Variants in IL3RA observed in about 807,000 individuals in gnomAD.
IL3RA encodes the protein interleukin 3 receptor subunit alpha.
In IL3RA, 73 loss-of-function variants were observed where a neutral mutation model predicts 52.3. The ratio of observed to expected loss-of-function variants is 1.40; its 90% CI spans 1.16 to 1.70. The LOEUF is 1.70. IL3RA is among the 40% of genes most tolerant of loss of function. The probability of loss-of-function intolerance (pLI) is 0.00; values close to 1 mark genes in which losing one functional copy is unlikely to be tolerated. For missense variants in IL3RA, 664 were observed against 504.4 expected, an observed-to-expected ratio of 1.32 and a Z score of -3.03; for synonymous variants, 260 against 194.0, an observed-to-expected ratio of 1.34 and a Z score of -2.83.
chrX:1,347,009 C>A lies in IL3RA; in HGVS notation c.184-1422C>A, dbSNP rs1222342816. On this transcript the variant is annotated intron_variant, in intron 3 of 11. Transcript: ENST00000331035. ...CCAGAGCGATTTTACCATACCATGG[C>A]AAACTGACTCTCAACTTTAGAAACA... 3.3e-5 allele frequency among the ~76,000 whole-genome samples: 5 copies of A among 150,660 alleles called. No homozygotes were observed. In the South Asian group the frequency reaches 1.0e-3, roughly 31 times the overall value.
At chrX:1,361,864 T>C (rs1257197982) in intron 8 of IL3RA, among the ~76,000 whole-genome samples, 4 of 151,024 alleles carry the variant, frequency 2.6e-5, no homozygotes, top group African/African-American at 7.3e-5. Flanking sequence ...GGGGGGAAAC[T>C]GCCCCCATGA....
intron 1 of IL3RA, among the ~76,000 whole-genome samples, chrX:1,337,843 A>G (rs1455879900): frequency 6.6e-6 from 1 of 151,548 alleles, no homozygotes; most frequent in Non-Finnish European, 1.5e-5. Flanking sequence ...AGCTTTATTC[A>G]CAATAGCCAA....
intron 8 of IL3RA, among the ~76,000 whole-genome samples, chrX:1,361,898 C>T (rs1242364541): frequency 1.3e-5 from 2 of 151,930 alleles, no homozygotes; most frequent in Non-Finnish European, 2.9e-5. Flanking sequence ...TACCCAGTCC[C>T]TCTCACAACA....
In IL3RA at chrX:1,363,577, C is replaced by T. The variant is rs868240496; in HGVS notation, c.760-1561C>T. Among the ~76,000 whole-genome samples the T allele has an allele frequency of 8.0e-5, 12 of 150,562 alleles. No homozygotes were observed. The South Asian group carries it at 1.5e-3, about 19-fold the overall frequency. On this transcript the variant is annotated intron_variant, in intron 8 of 11. Coordinates refer to ENST00000331035, the MANE Select transcript of IL3RA (RefSeq NM_002183.4). ...TGCTGGGATTACAGGCGTGAGCCACCGCGCCTGGCCGAGCTATTTCATCAT... is the reference window on the plus strand; with the variant it reads ...TGCTGGGATTACAGGCGTGAGCCACTGCGCCTGGCCGAGCTATTTCATCAT...
intron 7 of IL3RA, among the ~76,000 whole-genome samples, chrX:1,357,594 C>T (rs1248306341): frequency 6.6e-6 from 1 of 150,894 alleles, no homozygotes; most frequent in Admixed American, 6.6e-5. Flanking sequence ...GAACTCCTGA[C>T]CTCATGATCC....
chrX:1,346,446 G>A lies in IL3RA; in HGVS notation c.183+1012G>A, dbSNP rs185875842. Among the ~76,000 whole-genome samples the A allele has an allele frequency of 2.0e-3, 299 of 148,662 alleles. 2 individuals are homozygous for A. The highest frequency in any genetic ancestry group is 7.1e-3 in the African/African-American group (284 of 39,924). On this transcript the variant is annotated intron_variant, in intron 3 of 11. Coordinates refer to ENST00000331035, the MANE Select transcript of IL3RA (RefSeq NM_002183.4). ...GAGAGCAAGACTTCATGTCAAAAAA[G>A]AAAAAGAAAAATTAGCCGGATGTGG... is the stretch of plus-strand genomic sequence containing the variant.
intron 6 of IL3RA, among the ~76,000 whole-genome samples, chrX:1,353,970 A>AC (rs1410097079): frequency 0.12 from 4,514 of 37,384 alleles, 641 homozygotes; most frequent in African/African-American, 0.27. Context: ...GGGTCGTGGG[A>AC]CCCCCACCCC....
intron 4 of IL3RA, among the ~76,000 whole-genome samples, chrX:1,349,653 T>TTTTTG (rs201496989): frequency 1.3e-5 from 2 of 151,678 alleles, no homozygotes; most frequent in East Asian, 2.0e-4. Flanking sequence ...ATGGTTTATT[T>TTTTTG]TTTTGTTTTG....
intron 8 of IL3RA, among the ~76,000 whole-genome samples, chrX:1,363,363 C>G (rs1472326024): frequency 6.7e-6 from 1 of 149,026 alleles, no homozygotes; most frequent in East Asian, 2.0e-4. Context: ...TGCAGTGGCG[C>G]AATCTCGGCT....
Position 1,380,858 on chromosome X carries a change from G to A in IL3RA, c.981-165G>A, listed in dbSNP as rs781190367. Reference sequence around the variant, plus strand: ...CCAGCGCCTGCCTATGATGATGGTCGGGGGCGTGTCAGGGCCTCAGGGGCC... The same window carrying A: ...CCAGCGCCTGCCTATGATGATGGTCAGGGGCGTGTCAGGGCCTCAGGGGCC... On this transcript the variant is annotated intron_variant, in intron 10 of 11. Transcript: ENST00000331035. Among the ~76,000 whole-genome samples, 23 of 151,908 alleles carry A rather than the reference G, an allele frequency of 1.5e-4. No homozygotes were observed. In the South Asian group the frequency reaches 3.5e-3, roughly 23 times the overall value.
intron 3 of IL3RA, among the ~76,000 whole-genome samples, chrX:1,347,408 G>A (rs1312765920): frequency 3.3e-5 from 5 of 151,460 alleles, no homozygotes; most frequent in South Asian, 2.1e-4. Context: ...TCGCGCCACT[G>A]CACTCCAGCC....
At chrX:1,365,115 CT>C in intron 8 of IL3RA, 22 bp from the exon 9 acceptor site, 1 of 1,574,956 alleles carries the variant, frequency 6.3e-7, no homozygotes, top group Non-Finnish European at 8.7e-7. Context: ...GGCCCCTCTT[CT>C]TTATTTTCTT....
At chrX:1,343,596 G>A (rs1426434713) in intron 2 of IL3RA, among the ~76,000 whole-genome samples, 3 of 149,222 alleles carry the variant, frequency 2.0e-5, no homozygotes, top group African/African-American at 7.4e-5. Flanking sequence ...GAACCCGGGA[G>A]GCGGAGGTTG....
chrX:1,362,046 G>C (rs1402680413), intron 8 of IL3RA, among the ~76,000 whole-genome samples: 3 of 151,004 alleles, frequency 2.0e-5, no homozygotes, highest in Non-Finnish European at 4.4e-5. Flanking sequence ...CTGTCTCTTT[G>C]TATCTCTGTC....
chrX:1,349,631 AATTAG>A (rs1300334797), intron 4 of IL3RA, among the ~76,000 whole-genome samples: 4 of 150,490 alleles, frequency 2.7e-5, no homozygotes, highest in African/African-American at 9.8e-5. Flanking sequence ...TTTTTTAATT[AATTAG>A]AAGTCCATGG....
At chrX:1,356,411 C>A in intron 7 of IL3RA, 75 bp downstream of exon 7, 1 of 806,890 alleles carries the variant, frequency 1.2e-6, no homozygotes, top group Non-Finnish European at 2.0e-6. Flanking sequence ...CACTCTGGGG[C>A]CTTGAAACGG....
chrX:1,348,395 C>CT, intron 3 of IL3RA, 36 bp from the exon 4 acceptor site: 1 of 1,473,386 alleles, frequency 6.8e-7, no homozygotes, highest in Non-Finnish European at 9.5e-7. Context: ...TAAGCATGGT[C>CT]TGTCAGCAGC....
intron 3 of IL3RA, among the ~76,000 whole-genome samples, chrX:1,347,838 A>G (rs1168262890): frequency 2.7e-5 from 4 of 150,694 alleles, no homozygotes; most frequent in South Asian, 2.1e-4. Context: ...GGAGATCGAG[A>G]CCCTCCTGGC....
At chrX:1,358,993 A>T in intron 8 of IL3RA, 106 bp downstream of exon 8, 1 of 760,368 alleles carries the variant, frequency 1.3e-6, no homozygotes, top group Non-Finnish European at 1.8e-6. Flanking sequence ...TTATTAATAA[A>T]ATAATGAAAA....
Sources: allele counts gnomAD v4.1 joint callset (sites outside exome capture counted in the v4.1 genomes callset), GRCh38; gene constraint gnomAD v4.1.1; transcripts MANE v1.5; gene names NCBI Gene and HGNC (gene_info 2026-07-23, HGNC 2026-07-21).